The following STK32A variants were observed in gnomAD, a reference collection of about 807,000 sequenced individuals.
The protein encoded by STK32A is serine/threonine-protein kinase 32A.
In STK32A, 41 loss-of-function variants were observed where a neutral mutation model predicts 53.2. The observed-to-expected ratio is 0.77, with a 90% CI of 0.60 to 1.00. The LOEUF (loss-of-function observed/expected upper bound fraction) is 1.00, where lower values mean the gene tolerates loss of function less well. STK32A is among the 50% of genes least tolerant of loss of function. STK32A has a pLI of 0.00. For missense variants in STK32A, 458 were observed against 485.8 expected (o/e 0.94, Z 0.54); for synonymous variants, 166 against 162.8 (o/e 1.02, Z -0.15).
Position 147,340,275 on chromosome 5 carries a change from T to G in STK32A, c.435-2731T>G, listed in dbSNP as rs557891473. On this transcript the variant is annotated intron_variant, in intron 5 of 12. Transcript: ENST00000397936. ...ATTACTAAATTCCTATCTCACCTAT[T>G]CAAGATGGAGTCACTCTGGTCTGAA... Among the ~76,000 whole-genome samples the G allele has an allele frequency of 4.6e-5, 7 of 152,274 alleles. No homozygotes were observed. In the South Asian group the frequency reaches 1.5e-3, roughly 32 times the overall value.
chr5:147,399,625 T>C, the STK32A span, among the ~76,000 whole-genome samples: 4 of 152,238 alleles, frequency 2.6e-5, no homozygotes, highest in Non-Finnish European at 4.4e-5. Context: ...TGTTTGCATA[T>C]GTTGTATGCA....
intron 4 of STK32A, among the ~76,000 whole-genome samples, chr5:147,321,383 C>T (rs1025808427): frequency 2.0e-5 from 3 of 152,224 alleles, no homozygotes; most frequent in African/African-American, 7.2e-5. Context: ...TATTTATCTT[C>T]TCTCCCTCTG....
the STK32A span, chr5:147,393,767 C>T: frequency 2.1e-6 from 1 of 469,634 alleles, no homozygotes; most frequent in Non-Finnish European, 3.9e-6. Flanking sequence ...AGAGCAGACT[C>T]TTTTACCTTA....
chr5:147,289,758 T>C (rs1162112858), intron 4 of STK32A, among the ~76,000 whole-genome samples: 2 of 152,110 alleles, frequency 1.3e-5, no homozygotes, highest in Non-Finnish European at 2.9e-5. Flanking sequence ...TCAATAATTC[T>C]TATCACCTTG....
At chr5:147,334,709 A>G (rs554204762) in intron 5 of STK32A, among the ~76,000 whole-genome samples, 1 of 152,342 alleles carries the variant, frequency 6.6e-6, no homozygotes, top group South Asian at 2.1e-4. Context: ...TGCTGTCACA[A>G]TGGTTCAATG....
intron 5 of STK32A, among the ~76,000 whole-genome samples, chr5:147,332,219 A>T (rs6872292): frequency 0.18 from 27,084 of 152,078 alleles, 2,672 homozygotes; most frequent in East Asian, 0.28. Context: ...ATTAAACTAA[A>T]CCAAGAGAAT....
At chr5:147,347,984 G>A (rs1755769862) in intron 6 of STK32A, among the ~76,000 whole-genome samples, 1 of 152,148 alleles carries the variant, frequency 6.6e-6, no homozygotes, top group Non-Finnish European at 1.5e-5. Context: ...TCCTGGAAGT[G>A]GACTAGAACT....
At chr5:147,246,981 G>T (rs981298147) in intron 2 of STK32A, among the ~76,000 whole-genome samples, 5 of 152,154 alleles carry the variant, frequency 3.3e-5, no homozygotes, top group African/African-American at 1.2e-4. Flanking sequence ...ACAAATTCTT[G>T]TGAAGTAGTT....
chr5:147,254,047 G>T (rs1200051415), intron 2 of STK32A, among the ~76,000 whole-genome samples: 6 of 152,014 alleles, frequency 3.9e-5, no homozygotes, highest in Non-Finnish European at 7.4e-5. Context: ...CTCTTTCCCT[G>T]CTTGAGTACT....
intron 4 of STK32A, among the ~76,000 whole-genome samples, chr5:147,283,782 C>T (rs546079078): frequency 1.2e-3 from 175 of 151,944 alleles, no homozygotes; most frequent in Non-Finnish European, 2.3e-3. Flanking sequence ...TAGCAAGCAG[C>T]GAGATTGAAA....
intron 5 of STK32A, 74 bp downstream of exon 5, chr5:147,324,145 T>C: frequency 7.5e-7 from 1 of 1,341,486 alleles, no homozygotes; most frequent in Non-Finnish European, 1.0e-6. Flanking sequence ...CTTCAATAAA[T>C]TCTTATTGAA....
At chr5:147,337,714 G>GTTGGGGT (rs1296936037) in intron 5 of STK32A, among the ~76,000 whole-genome samples, 12 of 152,122 alleles carry the variant, frequency 7.9e-5, no homozygotes, top group Middle Eastern at 3.4e-3. Flanking sequence ...GGGGTTGGGG[G>GTTGGGGT]TTGGGGGTTG....
At chr5:147,280,976 T>C (rs1752038838) in intron 4 of STK32A, among the ~76,000 whole-genome samples, 1 of 152,292 alleles carries the variant, frequency 6.6e-6, no homozygotes, top group South Asian at 2.1e-4. Context: ...TGCAGACGAC[T>C]TCCAGTACCA....
In STK32A at chr5:147,235,714, A is replaced by G. The variant is rs1261901173; in HGVS notation, c.-97+515A>G. ...TCCACTCTCTCATGCCATTTAGGTG[A>G]CTTATTTTAAGACACTTGTCATGTT... On this transcript the variant is annotated intron_variant, in intron 1 of 12. Coordinates refer to ENST00000397936, the MANE Select transcript of STK32A (RefSeq NM_001112724.2). 2.6e-5 allele frequency among the ~76,000 whole-genome samples: 4 copies of G among 152,210 alleles called. No homozygotes were observed. In the East Asian group the frequency reaches 5.8e-4, roughly 22 times the overall value.
At chr5:147,401,569 A>C in the STK32A span, 1 of 1,613,384 alleles carries the variant, frequency 6.2e-7, no homozygotes, top group East Asian at 2.2e-5. Flanking sequence ...TGTAGTCCGG[A>C]GTAGTTGGGT....
intron 4 of STK32A, among the ~76,000 whole-genome samples, chr5:147,305,286 C>A (rs1753348082): frequency 6.6e-6 from 1 of 152,078 alleles, no homozygotes; most frequent in African/African-American, 2.4e-5. Flanking sequence ...TTGCCAACAA[C>A]CTCCTGCCTC....
chr5:147,275,087 T>C (rs142544134), intron 2 of STK32A, among the ~76,000 whole-genome samples: 351 of 152,342 alleles, frequency 2.3e-3, no homozygotes, highest in African/African-American at 8.1e-3. Flanking sequence ...TTTAAGAACA[T>C]AGTGAGTACA....
chr5:147,276,708 A>T (rs1392841634), intron 2 of STK32A, among the ~76,000 whole-genome samples: 4 of 152,204 alleles, frequency 2.6e-5, no homozygotes, highest in African/African-American at 9.6e-5. Context: ...GCTATAGTGG[A>T]TGAAATAAAC....
At chr5:147,392,326 ATCCTGTTCCTTGGCTATC>A (rs1341309617), downstream of STK32A, 1 of 152,210 alleles carries the variant, frequency 6.6e-6, no homozygotes, top group Non-Finnish European at 1.5e-5. Context: ...GCTAGGGGAA[ATCCTGTTCCTTGGCTATC>A]TCCAAATTCC....
Sources: allele counts gnomAD v4.1 joint callset (sites outside exome capture counted in the v4.1 genomes callset), GRCh38; gene constraint gnomAD v4.1.1; transcripts MANE v1.5; gene names NCBI Gene and HGNC (gene_info 2026-07-23, HGNC 2026-07-21).